Variants in ANKS1B observed in about 807,000 individuals in gnomAD.
ANKS1B encodes ankyrin repeat and sterile alpha motif domain containing 1B, also known as ankyrin repeat and sterile alpha motif domain-containing protein 1B.
ANKS1B carries 36 observed loss-of-function variants against 148.3 expected under a neutral mutation model. That is an observed-to-expected ratio of 0.24 (90% confidence interval 0.19 to 0.32). ANKS1B has a LOEUF of 0.32. Ranked by LOEUF, ANKS1B falls within the 10% of genes least tolerant of loss-of-function variation. ANKS1B has a pLI of 1.00. For synonymous variants in ANKS1B, 542 were observed against 560.8 expected (o/e 0.97, Z 0.47); for missense variants, 1,157 against 1,542.6 (o/e 0.75, Z 4.19).
At chr12:99,105,286 T>TA (rs2058910605) in intron 15 of ANKS1B, among the ~76,000 whole-genome samples, 1 of 152,114 alleles carries the variant, frequency 6.6e-6, no homozygotes, top group South Asian at 2.1e-4. Flanking sequence ...TCTGCTTGGG[T>TA]ACCCGTTTTT....
intron 17 of ANKS1B, among the ~76,000 whole-genome samples, chr12:99,027,632 T>C (rs1198194633): frequency 1.3e-5 from 2 of 152,244 alleles, no homozygotes; most frequent in African/African-American, 4.8e-5. Context: ...GAAATTTATG[T>C]TAAGGAACCA....
chr12:99,688,936 T>C (rs950507531), intron 8 of ANKS1B, among the ~76,000 whole-genome samples: 1 of 151,690 alleles, frequency 6.6e-6, no homozygotes, highest in African/African-American at 2.4e-5. Context: ...TTCTTACAAG[T>C]AATATATTTT....
chr12:98,781,223 G>A lies in ANKS1B; in HGVS notation c.3355-20C>T. 1 of 1,498,012 alleles carries A rather than the reference G, an allele frequency of 6.7e-7. No homozygotes were observed. Among genetic ancestry groups the A allele is most frequent in the East Asian group, 2.4e-5 (1 of 42,056 alleles). The allele number at this position is 1,498,012 out of a possible 1,614,324, so 92.8% of individuals were successfully genotyped here. On this transcript the variant is annotated intron_variant, in intron 23 of 26. Coordinates refer to ENST00000683438, the MANE Select transcript of ANKS1B (RefSeq NM_001352186.2). ...AGACTTCTGAAATTAAAATTAGAAA[G>A]CTGTTAGAGCAGTTTGTGTTGCGTG... is the stretch of plus-strand genomic sequence containing the variant.
chr12:98,964,204 C>T (rs573009136), intron 17 of ANKS1B, among the ~76,000 whole-genome samples: 2 of 152,274 alleles, frequency 1.3e-5, no homozygotes, highest in African/African-American at 2.4e-5. Context: ...AGGTGCTCAA[C>T]ATCACTGATC....
intron 8 of ANKS1B, among the ~76,000 whole-genome samples, chr12:99,735,807 CAAAAAAAA>C (rs376398944): frequency 1.8e-5 from 2 of 108,956 alleles, no homozygotes; most frequent in African/African-American, 6.9e-5. Flanking sequence ...GGACATATAC[CAAAAAAAA>C]AAAAAAAAAG....
intron 2 of ANKS1B, among the ~76,000 whole-genome samples, chr12:99,824,553 G>A (rs2153682472): frequency 6.6e-6 from 1 of 151,952 alleles, no homozygotes; most frequent in Middle Eastern, 3.4e-3. Context: ...AACTAACTTG[G>A]ATCATTCACA....
At chr12:99,099,939 C>G (rs533227335) in intron 15 of ANKS1B, 6 of 152,158 alleles carry the variant, frequency 3.9e-5, no homozygotes, top group African/African-American at 1.2e-4. Context: ...GGACTGAGCT[C>G]CACAGATTAT....
At chr12:99,752,231 G>T (rs554774379) in intron 8 of ANKS1B, among the ~76,000 whole-genome samples, 7 of 151,934 alleles carry the variant, frequency 4.6e-5, no homozygotes, top group African/African-American at 1.4e-4. Context: ...TTTTATAAGA[G>T]AGCTACTATC....
At chr12:99,155,023 T>C (rs907272618) in intron 14 of ANKS1B, 4 of 1,535,134 alleles carry the variant, frequency 2.6e-6, no homozygotes, top group East Asian at 2.4e-5. Context: ...ATGCAGAAAA[T>C]AGCAAGATTC....
intron 14 of ANKS1B, among the ~76,000 whole-genome samples, chr12:99,238,511 T>C (rs1371690717): frequency 6.6e-6 from 1 of 152,210 alleles, no homozygotes; most frequent in Admixed American, 6.5e-5. Context: ...AGACAGTTTC[T>C]GCAGATTTAA....
At chr12:98,930,046 G>T (rs1166190691) in intron 17 of ANKS1B, among the ~76,000 whole-genome samples, 5 of 151,830 alleles carry the variant, frequency 3.3e-5, no homozygotes, top group Admixed American at 3.3e-4. Context: ...ATCTGATAAG[G>T]GTTTTCTATT....
intron 8 of ANKS1B, among the ~76,000 whole-genome samples, chr12:99,707,946 C>T (rs1229742709): frequency 1.3e-5 from 2 of 152,146 alleles, no homozygotes. Context: ...GTGAATCACT[C>T]ACCTGAAGAA....
At position 99,101,366 on chromosome 12, in the gene ANKS1B, C is replaced by T. The variant is rs370060434; in HGVS notation, c.2527-16343G>A. The stretch of plus-strand genomic sequence containing the variant: ...ACAATGAAGATCTGGACTAGGACAG[C>T]AGCAGCAGGAATGGTGATGTATTAA... On this transcript the variant is annotated intron_variant, in intron 15 of 26. Transcript: ENST00000683438. 1.8e-3 allele frequency among the ~76,000 whole-genome samples: 270 copies of T among 152,288 alleles called. 8 individuals are homozygous for T. The South Asian group carries it at 0.046, about 26-fold the overall frequency.
At chr12:99,041,105 C>G (rs2099958664) in intron 17 of ANKS1B, among the ~76,000 whole-genome samples, 1 of 152,166 alleles carries the variant, frequency 6.6e-6, no homozygotes, top group Non-Finnish European at 1.5e-5. Context: ...GAACATAACA[C>G]TGGGGAAAGG....
At chr12:99,657,538 C>T (rs150819090) in intron 8 of ANKS1B, among the ~76,000 whole-genome samples, 18 of 152,034 alleles carry the variant, frequency 1.2e-4, no homozygotes, top group African/African-American at 4.1e-4. Flanking sequence ...TAAATACACA[C>T]TTCTCAAATC....
At chr12:99,323,218 A>G (rs1459595361) in intron 12 of ANKS1B, among the ~76,000 whole-genome samples, 2 of 152,128 alleles carry the variant, frequency 1.3e-5, no homozygotes, top group Non-Finnish European at 2.9e-5. Context: ...ATTATGCTTC[A>G]TTTGAGCCCT....
At chr12:99,269,308 A>G (rs2076779107) in intron 12 of ANKS1B, among the ~76,000 whole-genome samples, 1 of 152,232 alleles carries the variant, frequency 6.6e-6, no homozygotes, top group Admixed American at 6.5e-5. Flanking sequence ...AGAGAAAATT[A>G]TCTATGGTTT....
At chr12:99,859,230 T>C (rs563702415) in intron 1 of ANKS1B, among the ~76,000 whole-genome samples, 2 of 152,224 alleles carry the variant, frequency 1.3e-5, no homozygotes, top group Non-Finnish European at 2.9e-5. Flanking sequence ...AGTCTTATTG[T>C]GGCTGTTGCA....
intron 8 of ANKS1B, among the ~76,000 whole-genome samples, chr12:99,715,372 C>T (rs1258088689): frequency 6.6e-6 from 1 of 152,126 alleles, no homozygotes; most frequent in Non-Finnish European, 1.5e-5. Flanking sequence ...CAAAAGCTCC[C>T]CTACTGAGCA....
Sources: gnomAD v4.1 joint callset for allele counts (sites outside exome capture counted in the v4.1 genomes callset) on GRCh38, gnomAD v4.1.1 for gene constraint, MANE v1.5 for transcripts, NCBI Gene and HGNC (gene_info 2026-07-23, HGNC 2026-07-21) for gene names.